TENM3: variants seen among roughly 807,000 people sequenced by gnomAD.
TENM3 encodes the protein teneurin-3.
A neutral mutation model predicts 255.1 loss-of-function variants in TENM3; 63 were observed. That is an observed-to-expected ratio of 0.25 (90% CI 0.20 to 0.30). TENM3 has a LOEUF of 0.30. TENM3 is among the 10% of genes least tolerant of loss of function. The pLI is 1.00. For synonymous variants in TENM3, 1,306 were observed against 1,322.3 expected (o/e 0.99, Z 0.27); for missense variants, 2,929 against 3,461.1 (o/e 0.85, Z 3.86).
chr4:181,745,666 T>C, the TENM3 span, among the ~76,000 whole-genome samples: 87 of 152,272 alleles, frequency 5.7e-4, 2 homozygotes, highest in South Asian at 0.018. Context: ...AGATCTCTTC[T>C]AGCTCACTTC....
the TENM3 span, among the ~76,000 whole-genome samples, chr4:181,609,501 G>T: frequency 3.0e-4 from 45 of 152,278 alleles, no homozygotes; most frequent in Non-Finnish European, 8.8e-5. Flanking sequence ...TTTCTAGGAG[G>T]TTAATAAAGA....
the TENM3 span, among the ~76,000 whole-genome samples, chr4:181,553,654 G>C: frequency 2.6e-5 from 4 of 152,120 alleles, no homozygotes; most frequent in South Asian, 6.2e-4. Context: ...TGTTAGCCAG[G>C]ATGGTCTCGA....
intron 3 of TENM3, among the ~76,000 whole-genome samples, chr4:182,523,570 C>T (rs1276377542): frequency 6.6e-6 from 1 of 152,230 alleles, no homozygotes; most frequent in South Asian, 2.1e-4. Context: ...CATAATATAA[C>T]ATGACATGTC....
At chr4:182,184,102 A>G (rs567410125) in intron 1 of TENM3, among the ~76,000 whole-genome samples, 1 of 152,320 alleles carries the variant, frequency 6.6e-6, no homozygotes, top group Non-Finnish European at 1.5e-5. Flanking sequence ...TAATAATATT[A>G]TAGCAGCTGG....
chr4:182,296,168 G>A (rs150388004), intron 1 of TENM3, among the ~76,000 whole-genome samples: 72 of 152,156 alleles, frequency 4.7e-4, no homozygotes, highest in African/African-American at 1.7e-3. Context: ...TCTCCACGTT[G>A]GTCAGGCTGG....
the TENM3 span, among the ~76,000 whole-genome samples, chr4:182,105,825 G>T: frequency 3.9e-5 from 6 of 152,202 alleles, no homozygotes; most frequent in African/African-American, 1.4e-4. Context: ...TGACTTGGAA[G>T]TTTGACTTGG....
chr4:181,943,207 A>T, the TENM3 span, among the ~76,000 whole-genome samples: 1 of 152,174 alleles, frequency 6.6e-6, no homozygotes, highest in African/African-American at 2.4e-5. Flanking sequence ...GTATTTGAGC[A>T]TAGAAGATTT....
the TENM3 span, among the ~76,000 whole-genome samples, chr4:181,570,902 T>G: frequency 3.3e-5 from 5 of 152,138 alleles, no homozygotes; most frequent in Admixed American, 6.5e-5. Context: ...CCCTGTGAAA[T>G]GGGGGAAGGC....
chr4:181,514,764 G>T, the TENM3 span, among the ~76,000 whole-genome samples: 1 of 152,170 alleles, frequency 6.6e-6, no homozygotes, highest in East Asian at 1.9e-4. Context: ...GTGAATGAAA[G>T]GTAATTTACG....
chr4:182,362,545 C>T (rs1009976133), intron 3 of TENM3, among the ~76,000 whole-genome samples: 6 of 152,298 alleles, frequency 3.9e-5, no homozygotes, highest in Middle Eastern at 3.4e-3. Flanking sequence ...GATATAATCT[C>T]CTGGTGCGCC....
chr4:182,281,352 A>G (rs969229246), intron 1 of TENM3, among the ~76,000 whole-genome samples: 2 of 152,218 alleles, frequency 1.3e-5, no homozygotes, highest in African/African-American at 4.8e-5. Flanking sequence ...TGAATGAGAA[A>G]ATAAGACTTC....
the TENM3 span, among the ~76,000 whole-genome samples, chr4:182,120,401 A>G: frequency 6.6e-6 from 1 of 152,178 alleles, no homozygotes; most frequent in Non-Finnish European, 1.5e-5. Flanking sequence ...ATTTCTCAGA[A>G]TGTATCTCTG....
the TENM3 span, among the ~76,000 whole-genome samples, chr4:181,651,138 G>A: frequency 0.036 from 5,514 of 152,208 alleles, 154 homozygotes; most frequent in South Asian, 0.13. Flanking sequence ...GATGAGTACA[G>A]CATAAACTTT....
Position 182,507,148 on chromosome 4 carries a change from GA to G in TENM3, c.512-93767del, listed in dbSNP as rs71605069. Among the ~76,000 whole-genome samples, 4 of 150,684 alleles carry G rather than the reference GA, an allele frequency of 2.7e-5. No individual in the cohort carries two copies. The East Asian group carries it at 7.8e-4, about 29-fold the overall frequency. On this transcript the variant is annotated intron_variant, in intron 3 of 27. Transcript: ENST00000511685. ...ATTAAGTTTTTAGGTTATCACTAAGGAAAAAAAAAGCACACTAAAATTAGAT... is the reference window on the plus strand; with the variant it reads ...ATTAAGTTTTTAGGTTATCACTAAGGAAAAAAAAGCACACTAAAATTAGAT...
intron 1 of TENM3, among the ~76,000 whole-genome samples, chr4:182,255,206 G>A (rs563375187): frequency 1.3e-5 from 2 of 152,242 alleles, no homozygotes; most frequent in East Asian, 3.9e-4. Context: ...ATGTTAGACA[G>A]ATCTGTATCT....
At chr4:181,832,287 T>G in the TENM3 span, among the ~76,000 whole-genome samples, 4 of 152,136 alleles carry the variant, frequency 2.6e-5, no homozygotes, top group African/African-American at 9.7e-5. Flanking sequence ...ATAGGAGACT[T>G]GCAATGTGGC....
chr4:182,461,931 C>A (rs116601825), intron 3 of TENM3, among the ~76,000 whole-genome samples: 19 of 152,314 alleles, frequency 1.2e-4, no homozygotes, highest in African/African-American at 4.6e-4. Flanking sequence ...GCTAGGCTGT[C>A]GTACAGGTCA....
the TENM3 span, among the ~76,000 whole-genome samples, chr4:181,570,533 G>A: frequency 4.3e-5 from 6 of 139,026 alleles, no homozygotes; most frequent in Non-Finnish European, 9.4e-5. Context: ...ATGAACGAAG[G>A]AAAGAAAGAA....
chr4:181,804,884 C>G, the TENM3 span, among the ~76,000 whole-genome samples: 4 of 152,102 alleles, frequency 2.6e-5, no homozygotes, highest in African/African-American at 9.7e-5. Context: ...ATGCCTATAT[C>G]CGGGGCAGCC....
Sources: gnomAD v4.1 joint callset for allele counts (sites outside exome capture counted in the v4.1 genomes callset) on GRCh38, gnomAD v4.1.1 for gene constraint, MANE v1.5 for transcripts, NCBI Gene and HGNC (gene_info 2026-07-23, HGNC 2026-07-21) for gene names.